CNTNAP3: variants seen among roughly 807,000 people sequenced by gnomAD.
CNTNAP3 encodes contactin associated protein family member 3.
In CNTNAP3, 36 loss-of-function variants were observed where a neutral mutation model predicts 92.1. That is an observed-to-expected ratio of 0.39 (90% CI 0.30 to 0.52). The LOEUF is 0.52. Among genes scored for constraint, CNTNAP3 ranks in the 20% least tolerant of loss-of-function variants. The pLI is 0.76. For missense variants in CNTNAP3, 534 were observed against 1,069.6 expected, an observed-to-expected ratio of 0.50 and a Z score of 6.98; for synonymous variants, 232 against 422.3, an observed-to-expected ratio of 0.55 and a Z score of 5.53.
chr9:39,130,032 C>A (rs1439056320), intron 13 of CNTNAP3, among the ~76,000 whole-genome samples: 1 of 152,118 alleles, frequency 6.6e-6, no homozygotes. Flanking sequence ...GAAATGAAAT[C>A]ATACACTGTT....
chr9:39,144,364 C>A lies in CNTNAP3; in HGVS notation c.1650-18G>T. ...GCAAGCACCTAAAAGAAAACAGATACAACTGCTGTTTCCCTTTTTCAATCA... is the reference window on the plus strand; with the variant it reads ...GCAAGCACCTAAAAGAAAACAGATAAAACTGCTGTTTCCCTTTTTCAATCA... On this transcript the variant is annotated intron_variant, in intron 10 of 23. Coordinates refer to ENST00000297668, the MANE Select transcript of CNTNAP3 (RefSeq NM_033655.5). 1.3e-6 allele frequency: 2 copies of A among 1,501,572 alleles called. No homozygotes were observed. The highest frequency in any genetic ancestry group is 4.9e-5 in the East Asian group (2 of 40,698). 93.0% of individuals were successfully genotyped at this position (1,501,572 alleles called of 1,614,324 possible).
chr9:39,078,915 C>G lies in CNTNAP3; in HGVS notation c.3448G>C (p.Ala1150Pro), dbSNP rs755049863. 8 of 1,533,132 alleles carry G rather than the reference C, an allele frequency of 5.2e-6. No homozygotes were observed. Among genetic ancestry groups the G allele is most frequent in the Non-Finnish European group, 7.0e-6 (8 of 1,146,350 alleles). 95.0% of individuals were successfully genotyped at this position (1,533,132 alleles called of 1,614,324 possible). Residue 1150 changes from alanine (A) to proline (P), a missense_variant, in exon 22 of 24, where the codon GCC becomes CCC. Physicochemically the swap from Ala to Pro is conservative, Grantham distance 27. Transcript: ENST00000297668. ...CGCCTTGTGTCCGGGTCCGCGCCGG[C>G]AGCCTCTGAGGACAGAAGGGGAACA... ...SLILGKVLEA[A>P]GADPDTRRAA...
intron 14 of CNTNAP3, among the ~76,000 whole-genome samples, chr9:39,117,641 A>C (rs2117959615): frequency 6.6e-6 from 1 of 152,290 alleles, no homozygotes; most frequent in African/African-American, 2.4e-5. Context: ...GCTTCTACAA[A>C]ATAAACACAG....
At chr9:39,089,796 C>T (rs1826149167) in intron 18 of CNTNAP3, among the ~76,000 whole-genome samples, 1 of 152,100 alleles carries the variant, frequency 6.6e-6, no homozygotes, top group African/African-American at 2.4e-5. Flanking sequence ...ACTTTGATTG[C>T]CTACTGGCTA....
At chr9:39,078,602 A>C in intron 22 of CNTNAP3, 88 bp downstream of exon 22, 1 of 1,548,396 alleles carries the variant, frequency 6.5e-7, no homozygotes, top group Non-Finnish European at 8.7e-7. Context: ...GAAGGATGAC[A>C]GAGACGGAGA....
chr9:39,082,946 C>G (rs1258088773), intron 21 of CNTNAP3, among the ~76,000 whole-genome samples: 1 of 151,532 alleles, frequency 6.6e-6, no homozygotes, highest in African/African-American at 2.4e-5. Context: ...CTGTTAACTT[C>G]CTAGCTCGTA....
At chr9:39,109,878 A>C (rs1434393780) in intron 14 of CNTNAP3, among the ~76,000 whole-genome samples, 2 of 152,194 alleles carry the variant, frequency 1.3e-5, no homozygotes, top group African/African-American at 2.4e-5. Context: ...CATTACAAAT[A>C]AAAATAGTAA....
At chr9:39,143,568 G>A (rs1208373970) in intron 11 of CNTNAP3, among the ~76,000 whole-genome samples, 1 of 152,146 alleles carries the variant, frequency 6.6e-6, no homozygotes, top group Non-Finnish European at 1.5e-5. Context: ...TTTCTTCCTG[G>A]AGCTTCTTTA....
Position 39,101,205 on chromosome 9 carries a change from A to G in CNTNAP3, c.2756-1055T>C, listed in dbSNP as rs1382437239. Among the ~76,000 whole-genome samples the G allele has an allele frequency of 4.0e-5, 6 of 149,620 alleles. No homozygotes were observed. In the East Asian group the frequency reaches 1.0e-3, roughly 25 times the overall value. ...CTGCACCTTAATAGAAGAGCTAACC[A>G]CGCCTGAAGCTAGGTTTTAGGAAGT... On this transcript the variant is annotated intron_variant, in intron 17 of 23. Transcript: ENST00000297668.
chr9:39,123,387 C>T (rs375811690), intron 13 of CNTNAP3, among the ~76,000 whole-genome samples: 11 of 152,248 alleles, frequency 7.2e-5, no homozygotes, highest in African/African-American at 1.7e-4. Context: ...TGAGTCACCG[C>T]GCCCGACCCT....
chr9:39,083,327 T>C (rs957236151), intron 21 of CNTNAP3, among the ~76,000 whole-genome samples: 1 of 152,116 alleles, frequency 6.6e-6, no homozygotes, highest in African/African-American at 2.4e-5. Flanking sequence ...CTTCCATTTT[T>C]GCACTCTGTT....
At chr9:39,113,900 T>G (rs1380995617) in intron 14 of CNTNAP3, among the ~76,000 whole-genome samples, 1 of 151,734 alleles carries the variant, frequency 6.6e-6, no homozygotes. Flanking sequence ...CCAAAAATGT[T>G]ATGTTAATTA....
Position 39,141,946 on chromosome 9 carries a change from C to A in CNTNAP3, c.1757-1308G>T, listed in dbSNP as rs186916664. ...TTGCACATAATTGATACATGTTATA[C>A]AATTAGAAATACAAAATAACCTATT... On this transcript the variant is annotated intron_variant, in intron 11 of 23. Coordinates refer to ENST00000297668, the MANE Select transcript of CNTNAP3 (RefSeq NM_033655.5). Among the ~76,000 whole-genome samples, 1,231 of 152,110 alleles carry A rather than the reference C, an allele frequency of 8.1e-3. 6 individuals are homozygous for A. The highest frequency in any genetic ancestry group is 0.02 in the Middle Eastern group (6 of 294).
intron 10 of CNTNAP3, among the ~76,000 whole-genome samples, chr9:39,149,166 G>A (rs923426603): frequency 1.3e-5 from 2 of 152,098 alleles, no homozygotes; most frequent in Non-Finnish European, 2.9e-5. Context: ...ATAGTAACCT[G>A]GCAAATTCCT....
intron 9 of CNTNAP3, among the ~76,000 whole-genome samples, chr9:39,152,802 C>T (rs1463712224): frequency 1.6e-5 from 2 of 125,656 alleles, no homozygotes; most frequent in Non-Finnish European, 3.2e-5. Flanking sequence ...ACTACAGGCA[C>T]GCGCCACCAC....
rs1826419312 is a variant in CNTNAP3, at chr9:39,100,059, T to C, written c.2847A>G (p.Thr949=). The part of the protein sequence containing the change: ...GVALDLEERA[T]VTPGVEPGCA... ...ACCCTGGCTCCACTCCTGGCGTCAC[T>C]GTGGCTCTTTCTTCCAGATCCAGGG... is the stretch of plus-strand genomic sequence containing the variant. Residue 949 remains threonine, a synonymous_variant, in exon 18 of 24, where the codon ACA becomes ACG. Coordinates refer to ENST00000297668, the MANE Select transcript of CNTNAP3 (RefSeq NM_033655.5). The C allele has an allele frequency of 6.3e-7, 1 of 1,579,884 alleles. No individual in the cohort carries two copies. The highest frequency in any genetic ancestry group is 8.6e-7 in the Non-Finnish European group (1 of 1,161,768).
chr9:39,132,937 G>A lies in CNTNAP3; in HGVS notation c.2075C>T (p.Ser692Leu). The change falls in exon 13 of 24, where the codon TCA (serine) becomes TTA (leucine). Residue 692 changes from serine (S) to leucine (L), a missense_variant. Coordinates refer to ENST00000297668, the MANE Select transcript of CNTNAP3 (RefSeq NM_033655.5). The part of the protein sequence containing the change: ...LRCGTARRPD[S>L]RDGTPLSWWV... ...CCTCCAGGAGTGGCGCTTACCTCGT[G>A]AGTCCGGGCGCCGCGCCGTCCCGCA... is the stretch of plus-strand genomic sequence containing the variant. 6.5e-7 allele frequency: 1 copy of A among 1,545,122 alleles called. No homozygotes were observed. The highest frequency in any genetic ancestry group is 8.7e-7 in the Non-Finnish European group (1 of 1,155,346).
At chr9:39,150,026 T>C in intron 9 of CNTNAP3, 49 bp from the exon 10 acceptor site, 1 of 1,535,282 alleles carries the variant, frequency 6.5e-7, no homozygotes, top group Non-Finnish European at 8.9e-7. Context: ...ATGACAAAAC[T>C]ATTCCACAGT....
chr9:39,080,121 C>G (rs1323178135), intron 21 of CNTNAP3, among the ~76,000 whole-genome samples: 4 of 137,144 alleles, frequency 2.9e-5, no homozygotes, highest in African/African-American at 1.2e-4. Flanking sequence ...ACATGATGGA[C>G]AAAGATTCTC....
Sources: gnomAD v4.1 joint callset for allele counts (sites outside exome capture counted in the v4.1 genomes callset) on GRCh38, gnomAD v4.1.1 for gene constraint, MANE v1.5 for transcripts, NCBI Gene and HGNC (gene_info 2026-07-23, HGNC 2026-07-21) for gene names.